Variants in MAGT1 observed in about 807,000 individuals in gnomAD.
MAGT1 encodes magnesium transporter 1.
A neutral mutation model predicts 28.4 loss-of-function variants in MAGT1; 4 were observed. That is an observed-to-expected ratio of 0.14 (90% CI 0.07 to 0.32). The LOEUF is 0.32. MAGT1 is among the 10% of genes least tolerant of loss of function. MAGT1 has a pLI of 1.00. For missense variants in MAGT1, 193 were observed against 264.5 expected (o/e 0.73, Z 1.88); for synonymous variants, 89 against 89.7 (o/e 0.99, Z 0.04).
intron 3 of MAGT1, among the ~76,000 whole-genome samples, chrX:77,864,139 G>T (rs980350915): frequency 1.8e-5 from 2 of 110,612 alleles, no homozygotes; most frequent in Non-Finnish European, 3.8e-5. Flanking sequence ...AAATAAGCCA[G>T]GCACAGAAAG....
At chrX:77,877,308 A>G (rs2077038114) in intron 1 of MAGT1, among the ~76,000 whole-genome samples, 1 of 108,333 alleles carries the variant, frequency 9.2e-6, no homozygotes, top group Non-Finnish European at 1.9e-5. Flanking sequence ...CCTGGCCAAA[A>G]TGGCGAAACC....
rs1266899222 is a variant in MAGT1, at chrX:77,829,067, A to G, written c.*153T>C. ...ACAGAGGATTGCTTGTTAAGGCACT[A>G]CACATCTTCTTTGGTTAAATGATTA... On this transcript the variant is annotated 3_prime_UTR_variant, in exon 10 of 10. Transcript: ENST00000618282. 1.4e-5 allele frequency: 7 copies of G among 489,822 alleles called. No individual in the cohort carries two copies. Among genetic ancestry groups the G allele is most frequent in the Non-Finnish European group, 2.5e-5 (7 of 276,501 alleles). 40.4% of individuals were successfully genotyped at this position (489,822 alleles called of 1,213,427 possible).
intron 8 of MAGT1, 85 bp from the exon 9 acceptor site, chrX:77,830,980 ATTTTATTTTATTTTATTTT>A (rs2076896775): frequency 6.9e-5 from 2 of 28,978 alleles, no homozygotes; most frequent in Non-Finnish European, 2.3e-4. Context: ...TTTTTATTTT[ATTTTATTTTATTTTATTTT>A]ATTTTATTTT....
chrX:77,830,506 T>C (rs998360770), intron 9 of MAGT1, among the ~76,000 whole-genome samples: 2 of 110,157 alleles, frequency 1.8e-5, no homozygotes, highest in Non-Finnish European at 3.8e-5. Context: ...TCGCAACTAC[T>C]TGGGAGGCTG....
intron 1 of MAGT1, among the ~76,000 whole-genome samples, chrX:77,876,164 A>ATTT (rs1163646892): frequency 2.8e-4 from 7 of 24,969 alleles, no homozygotes; most frequent in Non-Finnish European, 4.0e-4. Context: ...ATATATATAT[A>ATTT]TTTTTTTTTT....
intron 2 of MAGT1, 121 bp from the exon 3 acceptor site, chrX:77,871,046 A>C (rs2077019236): frequency 7.3e-6 from 4 of 544,402 alleles, no homozygotes. Context: ...AGAAATAATA[A>C]AAAACACTGA....
At chrX:77,856,706 A>AT in intron 5 of MAGT1, 27 bp downstream of exon 5, 3 of 1,195,988 alleles carry the variant, frequency 2.5e-6, no homozygotes, top group East Asian at 3.0e-5. Context: ...TATTCAAATA[A>AT]TTTTTTGTCT....
rs782714299 is a variant in MAGT1 at position 77,891,099 on chromosome X, C to T, written c.102+4210G>A. On this transcript the variant is annotated intron_variant, in intron 1 of 9. Transcript: ENST00000618282. ...TTATCATGCTGCCTCTCTAAGATAA[C>T]ACCAGATGCGAGGATGAACAACTTC... is the stretch of plus-strand genomic sequence containing the variant. 2.3e-3 allele frequency among the ~76,000 whole-genome samples: 259 copies of T among 111,036 alleles called. 3 individuals carry two copies. The highest frequency in any genetic ancestry group is 3.0e-3 in the Non-Finnish European group (160 of 53,056).
intron 7 of MAGT1, among the ~76,000 whole-genome samples, chrX:77,849,855 A>G (rs782777631): frequency 6.7e-5 from 7 of 105,233 alleles, no homozygotes; most frequent in South Asian, 9.1e-4. Flanking sequence ...AGCCTGGGCA[A>G]CAGAGCAAGA....
Position 77,875,417 on chromosome X carries a change from G to T in MAGT1, c.272+11C>A. 4 of 1,203,870 alleles carry T rather than the reference G, an allele frequency of 3.3e-6. No homozygotes were observed. The highest frequency in any genetic ancestry group is 3.5e-5 in the South Asian group (2 of 56,773). ...AGTTATTTAATTTTAAAGCGTAGTT[G>T]GAGTTCATACTTGCAAACGACACAC... is the stretch of plus-strand genomic sequence containing the variant. On this transcript the variant is annotated intron_variant, in intron 2 of 9. Transcript: ENST00000618282.
At chrX:77,839,258 C>T (rs1384475476) in intron 8 of MAGT1, among the ~76,000 whole-genome samples, 3 of 105,387 alleles carry the variant, frequency 2.8e-5, no homozygotes, top group African/African-American at 1.0e-4. Flanking sequence ...GAGCTGAGAT[C>T]GCGCCACCGC....
chrX:77,890,363 C>T (rs2077078947), intron 1 of MAGT1, among the ~76,000 whole-genome samples: 1 of 112,032 alleles, frequency 8.9e-6, no homozygotes, highest in African/African-American at 3.2e-5. Context: ...AGACAGTGAA[C>T]AGAGAAGTGA....
At chrX:77,880,819 G>C (rs892917800) in intron 1 of MAGT1, among the ~76,000 whole-genome samples, 14 of 108,632 alleles carry the variant, frequency 1.3e-4, no homozygotes, top group Non-Finnish European at 2.3e-4. Context: ...TTAGCTGGGC[G>C]TGGTGGCACA....
chrX:77,844,657 C>T (rs1294504966), intron 7 of MAGT1, among the ~76,000 whole-genome samples: 3 of 110,383 alleles, frequency 2.7e-5, no homozygotes, highest in East Asian at 2.8e-4. Flanking sequence ...TCTTTGTTCT[C>T]GGTTTCAAAG....
intron 1 of MAGT1, among the ~76,000 whole-genome samples, chrX:77,888,854 A>G (rs1288915320): frequency 2.7e-5 from 3 of 111,695 alleles, no homozygotes; most frequent in Non-Finnish European, 5.6e-5. Flanking sequence ...ATAGGCATGC[A>G]TTGCATAATA....
chrX:77,886,824 G>A (rs1393270942), intron 1 of MAGT1, among the ~76,000 whole-genome samples: 1 of 111,377 alleles, frequency 9.0e-6, no homozygotes, highest in Non-Finnish European at 1.9e-5. Context: ...TGATTCTTAT[G>A]GGTTAGGACT....
intron 8 of MAGT1, among the ~76,000 whole-genome samples, chrX:77,836,861 A>C (rs782200040): frequency 9.0e-5 from 10 of 110,961 alleles, no homozygotes; most frequent in African/African-American, 3.3e-4. Context: ...TCTCCACAGC[A>C]CTCCAGCCTG....
intron 7 of MAGT1, among the ~76,000 whole-genome samples, chrX:77,844,091 G>A (rs1432672591): frequency 5.4e-5 from 6 of 111,007 alleles, no homozygotes; most frequent in Non-Finnish European, 1.1e-4. Context: ...CTTTTTTTTG[G>A]TTGGTAAGCT....
rs567193995 is a variant in MAGT1 at position 77,827,574 on chromosome X, T to C, written c.*1646A>G. ...CTCGTGCCTCAGCCTCCTGTGTAGC[T>C]GGGATTACAGGCTCCTGCCACCACA... On this transcript the variant is annotated 3_prime_UTR_variant, in exon 10 of 10. Coordinates refer to ENST00000618282, the MANE Select transcript of MAGT1 (RefSeq NM_001367916.1). 2 of 109,117 alleles carry C rather than the reference T, an allele frequency of 1.8e-5. No individual in the cohort carries two copies. The highest frequency in any genetic ancestry group is 2.0e-4 in the Admixed American group (2 of 10,095). 9.0% of individuals were successfully genotyped at this position (109,117 alleles called of 1,213,427 possible). A position where few individuals can be genotyped will look rare whatever the true frequency, so the allele number is the denominator to read the frequency against.
Sources: allele counts gnomAD v4.1 joint callset (sites outside exome capture counted in the v4.1 genomes callset), GRCh38; gene constraint gnomAD v4.1.1; transcripts MANE v1.5; gene names NCBI Gene and HGNC (gene_info 2026-07-23, HGNC 2026-07-21).